LUZP2: variants seen among roughly 807,000 people sequenced by gnomAD.
The protein encoded by LUZP2 is leucine zipper protein 2.
Under a neutral mutation model 51.6 loss-of-function variants are expected in LUZP2, and 52 were observed. That is an observed-to-expected ratio of 1.01 (90% confidence interval 0.81 to 1.27). The LOEUF (loss-of-function observed/expected upper bound fraction) is 1.27, where lower values mean the gene tolerates loss of function less well. Ranked by LOEUF, LUZP2 falls within the 50% of genes most tolerant of loss-of-function variation. The pLI is 0.00. For synonymous variants in LUZP2, 154 were observed against 137.3 expected, an observed-to-expected ratio of 1.12 and a Z score of -0.85; for missense variants, 436 against 395.4, an observed-to-expected ratio of 1.10 and a Z score of -0.87.
At chr11:25,033,766 T>C (rs1279574199) in intron 9 of LUZP2, among the ~76,000 whole-genome samples, 1 of 152,148 alleles carries the variant, frequency 6.6e-6, no homozygotes, top group East Asian at 1.9e-4. Flanking sequence ...TATTTCTTTT[T>C]TTATGGCAGT....
intron 5 of LUZP2, among the ~76,000 whole-genome samples, chr11:24,784,128 C>T (rs1489400690): frequency 6.6e-6 from 1 of 151,908 alleles, no homozygotes; most frequent in African/African-American, 2.4e-5. Context: ...TATAGCATAA[C>T]TGTTATGTAA....
chr11:24,824,387 A>AAAAAAAAAAAAAAAAAAAAAAAG (rs1365924064), intron 5 of LUZP2, among the ~76,000 whole-genome samples: 2 of 148,550 alleles, frequency 1.3e-5, no homozygotes, highest in African/African-American at 2.5e-5. Flanking sequence ...AAAAAAAAAA[A>AAAAAAAAAAAAAAAAAAAAAAAG]AAAAAATGAG....
At position 24,498,606 on chromosome 11, in the gene LUZP2, G is replaced by A. The variant is rs984468166; in HGVS notation, c.62+1301G>A. On this transcript the variant is annotated intron_variant, in intron 1 of 11. Transcript: ENST00000336930. ...TTTGCTTGTCACTTCAGCTCATAAAGTGCAGATGGTTTTAAAGAAAACCAG... is the reference window on the plus strand; with the variant it reads ...TTTGCTTGTCACTTCAGCTCATAAAATGCAGATGGTTTTAAAGAAAACCAG... 1.2e-4 allele frequency among the ~76,000 whole-genome samples: 19 copies of A among 152,278 alleles called. No homozygotes were observed. The East Asian group carries it at 2.9e-3, about 23-fold the overall frequency.
At chr11:24,620,802 A>G (rs540510752) in intron 1 of LUZP2, among the ~76,000 whole-genome samples, 1 of 152,324 alleles carries the variant, frequency 6.6e-6, no homozygotes, top group African/African-American at 2.4e-5. Context: ...AATTGCTACA[A>G]TGTAAGTCAA....
At position 24,531,547 on chromosome 11, in the gene LUZP2, T is replaced by C. The variant is rs1209790454; in HGVS notation, c.62+34242T>C. ...ATGCATTTTTCCTATTCAGCTGTAC[T>C]TGTGTATCTATTAGCCCACCTCTGG... On this transcript the variant is annotated intron_variant, in intron 1 of 11. Coordinates refer to ENST00000336930, the MANE Select transcript of LUZP2 (RefSeq NM_001009909.4). Among the ~76,000 whole-genome samples the C allele has an allele frequency of 1.1e-4, 16 of 150,904 alleles. 1 individual carries two copies. In the Admixed American group the frequency reaches 1.1e-3, roughly 10 times the overall value.
intron 1 of LUZP2, among the ~76,000 whole-genome samples, chr11:24,584,247 C>G (rs562738765): frequency 6.6e-6 from 1 of 152,124 alleles, no homozygotes; most frequent in African/African-American, 2.4e-5. Flanking sequence ...TCTACCACCA[C>G]GCATAAACCT....
At chr11:24,687,550 C>A (rs1447573469) in intron 1 of LUZP2, among the ~76,000 whole-genome samples, 1 of 152,128 alleles carries the variant, frequency 6.6e-6, no homozygotes, top group African/African-American at 2.4e-5. Flanking sequence ...CGCTAAGAAG[C>A]GGAGACAGAG....
At chr11:24,754,352 G>A (rs1023798865) in intron 4 of LUZP2, among the ~76,000 whole-genome samples, 6 of 150,148 alleles carry the variant, frequency 4.0e-5, no homozygotes, top group African/African-American at 1.2e-4. Flanking sequence ...CACCTTTCTG[G>A]GATGAGTTCT....
At chr11:24,925,401 A>T (rs1284085038) in intron 7 of LUZP2, among the ~76,000 whole-genome samples, 1 of 152,120 alleles carries the variant, frequency 6.6e-6, no homozygotes, top group Admixed American at 6.6e-5. Context: ...TGGCTCCTAT[A>T]CTCTACCAGT....
At chr11:25,077,510 A>T (rs11028403) in intron 11 of LUZP2, 104 bp downstream of exon 11, 131,406 of 382,994 alleles carry the variant, frequency 0.34, 24,339 homozygotes, top group East Asian at 0.72. Context: ...TTATTTATTT[A>T]TTTTTTTGAG....
chr11:24,701,792 A>G (rs997569215), intron 1 of LUZP2, among the ~76,000 whole-genome samples: 4 of 152,140 alleles, frequency 2.6e-5, no homozygotes, highest in African/African-American at 7.2e-5. Context: ...AACTCCCATA[A>G]TATTGAATTA....
intron 5 of LUZP2, among the ~76,000 whole-genome samples, chr11:24,876,078 C>A (rs2134279373): frequency 6.6e-6 from 1 of 151,966 alleles, no homozygotes; most frequent in Non-Finnish European, 1.5e-5. Flanking sequence ...ATGGTAGTTT[C>A]TTTTGCTGTG....
intron 5 of LUZP2, among the ~76,000 whole-genome samples, chr11:24,814,045 G>A (rs1398244588): frequency 2.0e-5 from 3 of 152,172 alleles, no homozygotes; most frequent in Admixed American, 6.5e-5. Flanking sequence ...TGAACAATTG[G>A]TAGTGTTAGC....
chr11:24,821,224 C>G (rs1850347377), intron 5 of LUZP2, among the ~76,000 whole-genome samples: 1 of 152,004 alleles, frequency 6.6e-6, no homozygotes, highest in Non-Finnish European at 1.5e-5. Context: ...TTTAATTGTC[C>G]TATTAATTAG....
At chr11:25,031,635 C>A (rs1857689920) in intron 9 of LUZP2, among the ~76,000 whole-genome samples, 1 of 152,042 alleles carries the variant, frequency 6.6e-6, no homozygotes, top group South Asian at 2.1e-4. Context: ...TCTTTACTAT[C>A]AGCATTTTCT....
chr11:24,967,580 T>C (rs77868246), intron 7 of LUZP2, among the ~76,000 whole-genome samples: 1 of 152,116 alleles, frequency 6.6e-6, no homozygotes, highest in East Asian at 1.9e-4. Flanking sequence ...CAAACTTTTT[T>C]TCTCTTCACT....
intron 7 of LUZP2, among the ~76,000 whole-genome samples, chr11:24,933,929 G>A (rs1254039528): frequency 6.6e-6 from 1 of 152,100 alleles, no homozygotes; most frequent in East Asian, 1.9e-4. Context: ...TTCAAGGGTG[G>A]GGAGAATATT....
At chr11:25,001,438 T>A (rs1009870812) in intron 9 of LUZP2, among the ~76,000 whole-genome samples, 1 of 152,122 alleles carries the variant, frequency 6.6e-6, no homozygotes. Flanking sequence ...TGTCAGACCT[T>A]TGTATGGTAA....
intron 1 of LUZP2, among the ~76,000 whole-genome samples, chr11:24,715,263 A>ATGTGTGTGTG (rs58368050): frequency 0.057 from 7,589 of 133,438 alleles, 316 homozygotes; most frequent in East Asian, 0.15. Flanking sequence ...AGGAGCAACT[A>ATGTGTGTGTG]TGTGTGTGTG....
Sources: gnomAD v4.1 joint callset for allele counts (sites outside exome capture counted in the v4.1 genomes callset) on GRCh38, gnomAD v4.1.1 for gene constraint, MANE v1.5 for transcripts, NCBI Gene and HGNC (gene_info 2026-07-23, HGNC 2026-07-21) for gene names.